The following DPP6 variants were observed in gnomAD, a reference collection of about 807,000 sequenced individuals.
DPP6 encodes the protein A-type potassium channel modulatory protein DPP6.
Under a neutral mutation model 122.6 loss-of-function variants are expected in DPP6, and 69 were observed. That is an observed-to-expected ratio of 0.56 (90% CI 0.46 to 0.69). DPP6 has a LOEUF of 0.69. DPP6 is among the 30% of genes least tolerant of loss of function. The pLI is 0.00. For synonymous variants in DPP6, 418 were observed against 433.1 expected, an observed-to-expected ratio of 0.97 and a Z score of 0.43; for missense variants, 928 against 1,116.9, an observed-to-expected ratio of 0.83 and a Z score of 2.41.
intron 5 of DPP6, among the ~76,000 whole-genome samples, chr7:154,608,788 T>C (rs1833733171): frequency 6.6e-6 from 1 of 152,202 alleles, no homozygotes; most frequent in Non-Finnish European, 1.5e-5. Context: ...TTATACATAT[T>C]CAATAATTGA....
At chr7:153,989,335 G>A (rs55885194) in intron 1 of DPP6, among the ~76,000 whole-genome samples, 245 of 150,998 alleles carry the variant, frequency 1.6e-3, no homozygotes, top group African/African-American at 5.3e-3. Flanking sequence ...GTGAGTGTGA[G>A]TGTGCAAGTG....
At position 154,623,665 on chromosome 7, in the gene DPP6, GCA is replaced by G. The variant is rs1232483566; in HGVS notation, c.628-14146_628-14145del. On this transcript the variant is annotated intron_variant, in intron 5 of 25. Transcript: ENST00000377770. ...CACGCGCACACACGCGCACACACACGCACACACACACGCACATGCACACACAG... is the reference window on the plus strand; with the variant it reads ...CACGCGCACACACGCGCACACACACGCACACACACGCACATGCACACACAG... Among the ~76,000 whole-genome samples the G allele has an allele frequency of 2.3e-3, 347 of 150,978 alleles. 1 individual carries two copies. Among genetic ancestry groups the G allele is most frequent in the African/African-American group, 7.4e-3 (302 of 40,960 alleles).
chr7:153,887,588 A>G, exon 1 of DPP6: 3 of 1,445,964 alleles, frequency 2.1e-6, no homozygotes, highest in Non-Finnish European at 2.9e-6. Flanking sequence ...GTTTCCATCC[A>G]GTCTTCAGCC....
intron 1 of DPP6, among the ~76,000 whole-genome samples, chr7:154,229,197 A>G (rs1165528984): frequency 1.3e-5 from 2 of 152,154 alleles, no homozygotes; most frequent in Non-Finnish European, 2.9e-5. Context: ...TGATTGGTCC[A>G]CTTTTGCTCT....
At chr7:154,435,670 C>T (rs1460626092) in intron 1 of DPP6, among the ~76,000 whole-genome samples, 1 of 152,208 alleles carries the variant, frequency 6.6e-6, no homozygotes, top group East Asian at 1.9e-4. Flanking sequence ...ATCCTATCAT[C>T]ATTTGCTGTC....
At chr7:154,229,675 T>A (rs1206068723) in intron 1 of DPP6, among the ~76,000 whole-genome samples, 1 of 152,218 alleles carries the variant, frequency 6.6e-6, no homozygotes, top group African/African-American at 2.4e-5. Flanking sequence ...AAACTTTTTA[T>A]AAAGCATCAA....
chr7:154,223,888 A>AT (rs1800444588), intron 1 of DPP6, among the ~76,000 whole-genome samples: 1 of 148,902 alleles, frequency 6.7e-6, no homozygotes, highest in Non-Finnish European at 1.5e-5. Flanking sequence ...CTCAGAGGCC[A>AT]CTGTGGCCCA....
intron 1 of DPP6, among the ~76,000 whole-genome samples, chr7:154,349,950 T>G (rs972002400): frequency 6.6e-6 from 1 of 152,208 alleles, no homozygotes; most frequent in African/African-American, 2.4e-5. Flanking sequence ...CTGGCTAGAG[T>G]TACATTCCAT....
chr7:154,394,714 A>G (rs1296837067), intron 1 of DPP6, among the ~76,000 whole-genome samples: 1 of 152,110 alleles, frequency 6.6e-6, no homozygotes, highest in African/African-American at 2.4e-5. Flanking sequence ...TAAGAGTTTC[A>G]TAGTTTTAGA....
chr7:153,977,920 A>G (rs1013114151), intron 1 of DPP6, among the ~76,000 whole-genome samples: 1 of 152,076 alleles, frequency 6.6e-6, no homozygotes, highest in African/African-American at 2.4e-5. Flanking sequence ...TCCATGGTGT[A>G]TATGTGCCAC....
chr7:153,797,050 T>C, the DPP6 span, among the ~76,000 whole-genome samples: 2 of 152,178 alleles, frequency 1.3e-5, no homozygotes, highest in African/African-American at 4.8e-5. Context: ...CAAGGAACAA[T>C]GTGTATGACA....
chr7:154,626,837 T>C (rs1230717209), intron 5 of DPP6, among the ~76,000 whole-genome samples: 1 of 152,126 alleles, frequency 6.6e-6, no homozygotes, highest in Non-Finnish European at 1.5e-5. Flanking sequence ...TGCAGTAAAT[T>C]GCCTAGAGCA....
intron 1 of DPP6, among the ~76,000 whole-genome samples, chr7:154,270,238 C>A (rs1470387350): frequency 6.6e-6 from 1 of 152,066 alleles, no homozygotes. Context: ...GTGTTACCAC[C>A]CGGTTTTGCA....
At chr7:153,804,729 C>T in the DPP6 span, among the ~76,000 whole-genome samples, 1 of 151,822 alleles carries the variant, frequency 6.6e-6, no homozygotes, top group Non-Finnish European at 1.5e-5. Context: ...CCCCTCTTTA[C>T]TAAAATTAGC....
At chr7:154,352,202 G>A (rs977927448) in intron 1 of DPP6, among the ~76,000 whole-genome samples, 12 of 152,232 alleles carry the variant, frequency 7.9e-5, no homozygotes, top group Admixed American at 5.9e-4. Flanking sequence ...GGTGGCTCAC[G>A]CCTGTAATCC....
intron 1 of DPP6, among the ~76,000 whole-genome samples, chr7:154,119,021 A>G (rs1209685518): frequency 1.3e-5 from 2 of 152,084 alleles, no homozygotes; most frequent in South Asian, 2.1e-4. Flanking sequence ...AGGTGATACA[A>G]CCAGGCTATG....
intron 1 of DPP6, among the ~76,000 whole-genome samples, chr7:154,317,289 G>A (rs1235626599): frequency 1.3e-5 from 2 of 152,106 alleles, no homozygotes; most frequent in African/African-American, 4.8e-5. Context: ...GAGGTCAGGA[G>A]ATTGAGACCA....
At chr7:154,834,311 C>CAAAAA (rs3054390) in intron 16 of DPP6, among the ~76,000 whole-genome samples, 51,245 of 134,084 alleles carry the variant, frequency 0.38, 11,955 homozygotes, top group East Asian at 0.6. Context: ...CTACTAAATA[C>CAAAAA]AAAAAAAAAA....
At chr7:154,741,089 T>C (rs1168269666) in intron 8 of DPP6, among the ~76,000 whole-genome samples, 3 of 152,178 alleles carry the variant, frequency 2.0e-5, no homozygotes, top group African/African-American at 4.8e-5. Context: ...TTCTGTGCGT[T>C]AGGACCAGAG....
Sources: allele counts gnomAD v4.1 joint callset (sites outside exome capture counted in the v4.1 genomes callset), GRCh38; gene constraint gnomAD v4.1.1; transcripts MANE v1.5; gene names NCBI Gene and HGNC (gene_info 2026-07-23, HGNC 2026-07-21).